Variants in TAMM41 observed in about 807,000 individuals in gnomAD.
The protein encoded by TAMM41 is phosphatidate cytidylyltransferase, mitochondrial.
A neutral mutation model predicts 44.1 loss-of-function variants in TAMM41; 36 were observed. The ratio of observed to expected loss-of-function variants is 0.82; its 90% confidence interval spans 0.63 to 1.08. The LOEUF is 1.08. Ranked by LOEUF, TAMM41 falls within the 50% of genes least tolerant of loss-of-function variation. TAMM41 has a pLI of 0.00. For missense variants in TAMM41, 417 were observed against 404.3 expected (o/e 1.03, Z -0.27); for synonymous variants, 164 against 153.1 (o/e 1.07, Z -0.53).
At chr3:11,732,132 G>A in the TAMM41 span, among the ~76,000 whole-genome samples, 1 of 152,170 alleles carries the variant, frequency 6.6e-6, no homozygotes, top group Middle Eastern at 3.2e-3. Flanking sequence ...CTCCCAAGGT[G>A]CTGGGATTAC....
At chr3:11,800,280 A>G (rs1161471407) in intron 7 of TAMM41, among the ~76,000 whole-genome samples, 1 of 152,194 alleles carries the variant, frequency 6.6e-6, no homozygotes, top group Non-Finnish European at 1.5e-5. Context: ...TAACTTGAAA[A>G]TAACCATGTG....
the TAMM41 span, among the ~76,000 whole-genome samples, chr3:11,746,421 G>A: frequency 4.6e-3 from 705 of 152,176 alleles, 4 homozygotes; most frequent in Non-Finnish European, 6.5e-3. Flanking sequence ...AAATGTCAGA[G>A]CAGCTTTACC....
intron 7 of TAMM41, among the ~76,000 whole-genome samples, chr3:11,800,188 A>C (rs2077713297): frequency 6.6e-6 from 1 of 152,222 alleles, no homozygotes; most frequent in South Asian, 2.1e-4. Flanking sequence ...CAAAAGAGGA[A>C]AAGAAAGAAA....
chr3:11,725,864 G>A, the TAMM41 span, among the ~76,000 whole-genome samples: 2 of 152,212 alleles, frequency 1.3e-5, no homozygotes, highest in South Asian at 2.1e-4. Context: ...CCATGTGGGC[G>A]TGGGGTGGAA....
chr3:11,781,778 T>TC, the TAMM41 span, among the ~76,000 whole-genome samples: 3 of 38,756 alleles, frequency 7.7e-5, no homozygotes, highest in Non-Finnish European at 1.4e-4. Context: ...ATAATAATAA[T>TC]AATCATACAA....
chr3:11,839,541 C>T (rs2079341918), intron 2 of TAMM41, among the ~76,000 whole-genome samples: 1 of 152,196 alleles, frequency 6.6e-6, no homozygotes, highest in African/African-American at 2.4e-5. Context: ...GAGGTTGCAA[C>T]TGTCTTCACA....
chr3:11,777,596 C>A, the TAMM41 span, among the ~76,000 whole-genome samples: 13 of 152,276 alleles, frequency 8.5e-5, no homozygotes, highest in Admixed American at 4.6e-4. Context: ...GAGTTCGAGA[C>A]CAGCCTGGCC....
chr3:11,735,904 C>T, the TAMM41 span, among the ~76,000 whole-genome samples: 1 of 151,984 alleles, frequency 6.6e-6, no homozygotes, highest in Admixed American at 6.6e-5. Context: ...CCACGCAGGG[C>T]CCAGCGTGGC....
chr3:11,807,320 G>A (rs2077939653), intron 7 of TAMM41: 1 of 1,450,690 alleles, frequency 6.9e-7, no homozygotes, highest in Non-Finnish European at 9.0e-7. Context: ...ATTTGATGAG[G>A]GTGGGTGCCA....
At chr3:11,812,832 G>A (rs983672261) in intron 5 of TAMM41, among the ~76,000 whole-genome samples, 11 of 152,118 alleles carry the variant, frequency 7.2e-5, no homozygotes, top group Admixed American at 5.2e-4. Context: ...AGACTCCTCC[G>A]AGATGAGGGT....
chr3:11,765,863 G>A, the TAMM41 span, among the ~76,000 whole-genome samples: 1 of 151,886 alleles, frequency 6.6e-6, no homozygotes, highest in Admixed American at 6.6e-5. Flanking sequence ...CACCACACCC[G>A]GCTAATTTTT....
At chr3:11,783,624 GAGTATA>G in the TAMM41 span, among the ~76,000 whole-genome samples, 5 of 152,192 alleles carry the variant, frequency 3.3e-5, no homozygotes, top group Non-Finnish European at 5.9e-5. Flanking sequence ...TTTTATAAGT[GAGTATA>G]AGATTCATAA....
chr3:11,782,963 C>T, the TAMM41 span, among the ~76,000 whole-genome samples: 13 of 152,304 alleles, frequency 8.5e-5, no homozygotes, highest in Non-Finnish European at 1.3e-4. Flanking sequence ...AGCTTGAAGA[C>T]TCACTGCAAT....
the TAMM41 span, among the ~76,000 whole-genome samples, chr3:11,755,899 T>C: frequency 6.6e-6 from 1 of 152,218 alleles, no homozygotes; most frequent in Non-Finnish European, 1.5e-5. Context: ...TGCTGTCTGT[T>C]CGTCCCCTGA....
the TAMM41 span, among the ~76,000 whole-genome samples, chr3:11,756,347 T>C: frequency 6.6e-6 from 1 of 152,210 alleles, no homozygotes; most frequent in African/African-American, 2.4e-5. Flanking sequence ...ACTGATGTGC[T>C]GGCCATGCAG....
chr3:11,764,730 G>A, the TAMM41 span, among the ~76,000 whole-genome samples: 41 of 152,014 alleles, frequency 2.7e-4, 1 homozygote, highest in South Asian at 7.9e-3. Flanking sequence ...CTGACCTTGT[G>A]ATCCGCCTGC....
At chr3:11,798,261 A>G (rs952304593) in intron 7 of TAMM41, among the ~76,000 whole-genome samples, 1 of 152,212 alleles carries the variant, frequency 6.6e-6, no homozygotes, top group Non-Finnish European at 1.5e-5. Context: ...ATGCCCATCA[A>G]TCGTAGACTG....
At chr3:11,723,533 T>C in the TAMM41 span, among the ~76,000 whole-genome samples, 1 of 151,134 alleles carries the variant, frequency 6.6e-6, no homozygotes, top group Non-Finnish European at 1.5e-5. Context: ...GTGATCTGTG[T>C]TGATACCACT....
chr3:11,722,920 G>C, the TAMM41 span, among the ~76,000 whole-genome samples: 1 of 152,214 alleles, frequency 6.6e-6, no homozygotes, highest in Non-Finnish European at 1.5e-5. Flanking sequence ...CCGAGATCAT[G>C]CCATTGCAGT....
Sources: gnomAD v4.1 joint callset for allele counts (sites outside exome capture counted in the v4.1 genomes callset) on GRCh38, gnomAD v4.1.1 for gene constraint, MANE v1.5 for transcripts, NCBI Gene and HGNC (gene_info 2026-07-23, HGNC 2026-07-21) for gene names.